RPTOR: variants seen among roughly 807,000 people sequenced by gnomAD.
RPTOR encodes the protein regulatory-associated protein of mTOR.
In RPTOR, 21 loss-of-function variants were observed where a neutral mutation model predicts 169.9. The observed-to-expected ratio is 0.12, with a 90% CI of 0.09 to 0.18. The LOEUF is 0.18. Ranked by LOEUF, RPTOR falls within the 10% of genes least tolerant of loss-of-function variation. RPTOR has a pLI of 1.00. For missense variants in RPTOR, 1,133 were observed against 1,855.9 expected, an observed-to-expected ratio of 0.61 and a Z score of 7.16; for synonymous variants, 732 against 753.2, an observed-to-expected ratio of 0.97 and a Z score of 0.46.
chr17:80,723,994 G>C (rs939189610), intron 4 of RPTOR, among the ~76,000 whole-genome samples: 1 of 151,428 alleles, frequency 6.6e-6, no homozygotes, highest in Non-Finnish European at 1.5e-5. Flanking sequence ...AAGCAGGGAT[G>C]TTTAGTTTCT....
At chr17:80,681,540 G>A (rs952794920) in intron 3 of RPTOR, among the ~76,000 whole-genome samples, 12 of 152,044 alleles carry the variant, frequency 7.9e-5, no homozygotes, top group African/African-American at 2.9e-4. Flanking sequence ...GACCAATTCT[G>A]TGTGTGTGGT....
intron 1 of RPTOR, among the ~76,000 whole-genome samples, chr17:80,567,999 C>T (rs574655756): frequency 1.7e-4 from 26 of 151,728 alleles, no homozygotes; most frequent in African/African-American, 5.3e-4. Flanking sequence ...ATCTGCCTCC[C>T]GGGTTCAAGC....
At chr17:80,856,255 A>G (rs1042469947) in intron 12 of RPTOR, among the ~76,000 whole-genome samples, 4 of 152,174 alleles carry the variant, frequency 2.6e-5, no homozygotes, top group African/African-American at 9.6e-5. Flanking sequence ...TTCAAGAATC[A>G]TTGTTCGTTT....
chr17:80,820,455 G>A lies in RPTOR; in HGVS notation c.891-1746G>A, dbSNP rs76334049. On this transcript the variant is annotated intron_variant, in intron 7 of 33. Transcript: ENST00000306801. The surrounding 1 kb of genome is among the most constrained non-coding windows in gnomAD (Gnocchi z 4.1). Reference sequence around the variant, plus strand: ...GGCAGCCACCCCTGTTCGCGCTGGCGCTTGAGGGCTGAGATGAGCAACCTG... The same window carrying A: ...GGCAGCCACCCCTGTTCGCGCTGGCACTTGAGGGCTGAGATGAGCAACCTG... Among the ~76,000 whole-genome samples, 2 of 152,072 alleles carry A rather than the reference G, an allele frequency of 1.3e-5. No individual in the cohort carries two copies. The highest frequency in any genetic ancestry group is 1.5e-5 in the Non-Finnish European group (1 of 67,994).
At chr17:80,906,976 G>A (rs1210029341) in intron 20 of RPTOR, among the ~76,000 whole-genome samples, 3 of 152,352 alleles carry the variant, frequency 2.0e-5, no homozygotes, top group African/African-American at 4.8e-5. Context: ...AGTAGAGCCC[G>A]TCTTGGGCTC....
intron 1 of RPTOR, among the ~76,000 whole-genome samples, chr17:80,624,825 G>C (rs1426517679): frequency 6.6e-6 from 1 of 152,178 alleles, no homozygotes; most frequent in Non-Finnish European, 1.5e-5. Flanking sequence ...CCTGGTCCAG[G>C]CCAGGGTTTT....
At chr17:80,660,780 C>T (rs969332083) in intron 3 of RPTOR, among the ~76,000 whole-genome samples, 1 of 152,178 alleles carries the variant, frequency 6.6e-6, no homozygotes, top group Non-Finnish European at 1.5e-5. Context: ...CAGCCACTGT[C>T]CCCAATGCAG....
chr17:80,582,327 C>T (rs1599573270), intron 1 of RPTOR, among the ~76,000 whole-genome samples: 1 of 152,198 alleles, frequency 6.6e-6, no homozygotes, highest in African/African-American at 2.4e-5. Flanking sequence ...TGCGTGTGTA[C>T]TGTGATTGAT....
intron 21 of RPTOR, among the ~76,000 whole-genome samples, chr17:80,910,518 C>G (rs1041467362): frequency 6.6e-6 from 1 of 152,186 alleles, no homozygotes; most frequent in African/African-American, 2.4e-5. Flanking sequence ...CTGTGGTGTT[C>G]TACGTCTTCA....
intron 4 of RPTOR, among the ~76,000 whole-genome samples, chr17:80,727,775 A>C (rs1277415751): frequency 6.6e-6 from 1 of 151,980 alleles, no homozygotes; most frequent in Non-Finnish European, 1.5e-5. Context: ...TTTTTTTACC[A>C]GTCAAAACAT....
intron 7 of RPTOR, chr17:80,804,813 G>C (rs150855776): frequency 6.6e-6 from 1 of 152,312 alleles, no homozygotes; most frequent in South Asian, 2.1e-4. Context: ...CGATTCTGAG[G>C]AAAGTGGCAT....
chr17:80,700,709 ATGGTGGTGGTGGTGG>A (rs1567864608), intron 3 of RPTOR, among the ~76,000 whole-genome samples: 17 of 28,734 alleles, frequency 5.9e-4, no homozygotes, highest in South Asian at 1.6e-3. Flanking sequence ...GGTGGTGGTG[ATGGTGGTGGTGGTGG>A]TGGTGATGAT....
chr17:80,598,882 T>A (rs797008397), intron 1 of RPTOR, among the ~76,000 whole-genome samples: 34 of 146,868 alleles, frequency 2.3e-4, no homozygotes, highest in Middle Eastern at 3.4e-3. Flanking sequence ...TCTTGATTCT[T>A]TCTATCTATC....
rs200835076 is a variant in RPTOR, at chr17:80,945,792, C to T, written c.3140+11C>T. ...CAAGGACAGCATCTGGTATGCACCG[C>T]GCTGGTCAGGCCTCCCTTCCGGCTG... On this transcript the variant is annotated intron_variant, in intron 26 of 33. Transcript: ENST00000306801. 45 of 1,546,324 alleles carry T rather than the reference C, an allele frequency of 2.9e-5. No individual in the cohort carries two copies. In the African/African-American group the frequency reaches 3.2e-4, roughly 11 times the overall value.
intron 22 of RPTOR, 135 bp downstream of exon 22, chr17:80,922,962 C>T (rs2271605): frequency 0.33 from 234,308 of 706,868 alleles, 40,672 homozygotes; most frequent in East Asian, 0.5. Flanking sequence ...CCCTCTCCAG[C>T]GGGCGTTCTT....
At chr17:80,829,737 C>G (rs1047264795) in intron 9 of RPTOR, among the ~76,000 whole-genome samples, 4 of 152,234 alleles carry the variant, frequency 2.6e-5, no homozygotes, top group African/African-American at 9.7e-5. Flanking sequence ...TCCTCAGCCC[C>G]TCCTGTGCGT....
At chr17:80,955,679 GA>G (rs201989127) in intron 28 of RPTOR, among the ~76,000 whole-genome samples, 3 of 151,866 alleles carry the variant, frequency 2.0e-5, no homozygotes, top group Admixed American at 1.3e-4. Context: ...TGTCTGTCGT[GA>G]AAAAAAACGG....
intron 4 of RPTOR, among the ~76,000 whole-genome samples, chr17:80,711,568 C>A (rs1306561404): frequency 6.6e-6 from 1 of 151,996 alleles, no homozygotes; most frequent in Non-Finnish European, 1.5e-5. Context: ...CATTTTTTTA[C>A]TTGTTGATTT....
Position 80,963,241 on chromosome 17 carries a change from G to T in RPTOR, c.3939+184G>T, listed in dbSNP as rs1026472145. 2.6e-5 allele frequency among the ~76,000 whole-genome samples: 4 copies of T among 152,036 alleles called. No homozygotes were observed. The South Asian group carries it at 6.2e-4, about 24-fold the overall frequency. ...AGGGCCCCTGCCCCACCCTGCACTC[G>T]CCCCGGAAGCAGAGCCCCAGTCCCG... On this transcript the variant is annotated intron_variant, in intron 33 of 33. Transcript: ENST00000306801.
Sources: allele counts gnomAD v4.1 joint callset (sites outside exome capture counted in the v4.1 genomes callset), GRCh38; gene constraint gnomAD v4.1.1; non-coding constraint Gnocchi (gnomAD v3.1); transcripts MANE v1.5; gene names NCBI Gene and HGNC (gene_info 2026-07-23, HGNC 2026-07-21).